USP36: variants seen among roughly 807,000 people sequenced by gnomAD.
USP36 encodes the protein ubiquitin carboxyl-terminal hydrolase 36.
USP36 carries 59 observed loss-of-function variants against 111.5 expected under a neutral mutation model. That is an observed-to-expected ratio of 0.53 (90% CI 0.43 to 0.66). The LOEUF (loss-of-function observed/expected upper bound fraction) is 0.66, where lower values mean the gene tolerates loss of function less well. Ranked by LOEUF, USP36 falls within the 30% of genes least tolerant of loss-of-function variation. The pLI, the probability that USP36 is intolerant of heterozygous loss-of-function variation, is 0.00. For missense variants in USP36, 1,488 were observed against 1,468.0 expected (o/e 1.01, Z -0.22); for synonymous variants, 628 against 581.0 (o/e 1.08, Z -1.16).
At chr17:78,793,796 G>T (rs2093602274), downstream of USP36, among the ~76,000 whole-genome samples, 1 of 152,142 alleles carries the variant, frequency 6.6e-6, no homozygotes. Context: ...GGGATAAACA[G>T]ATGCCCACCT....
rs1187233966 is a variant in USP36, at chr17:78,821,420, A to ATTTTTT, written c.758-365_758-360dup. ...TATATATATATATATATATATATAT[A>ATTTTTT]TTTTTTTTTTTTTTTTTTTTTTTTT... is the stretch of plus-strand genomic sequence containing the variant. On this transcript the variant is annotated intron_variant, in intron 7 of 20. Coordinates refer to ENST00000449938, the MANE Select transcript of USP36 (RefSeq NM_001385174.1). 18 of 34,560 alleles carry ATTTTTT rather than the reference A, an allele frequency of 5.2e-4. 1 individual carries two copies. Among genetic ancestry groups the ATTTTTT allele is most frequent in the African/African-American group, 2.4e-3 (15 of 6,268 alleles). The allele number at this position is 34,560 out of a possible 1,614,324, so 2.1% of individuals were successfully genotyped here. A position where few individuals can be genotyped will look rare whatever the true frequency, so the allele number is the denominator to read the frequency against.
At chr17:78,808,477 C>T (rs144079295) in intron 13 of USP36, among the ~76,000 whole-genome samples, 94 of 152,272 alleles carry the variant, frequency 6.2e-4, no homozygotes, top group African/African-American at 2.2e-3. Context: ...CCTTGAATTC[C>T]TGAGCTCAAG....
chr17:78,834,640 G>A (rs2068476800), intron 4 of USP36, among the ~76,000 whole-genome samples: 3 of 151,942 alleles, frequency 2.0e-5, no homozygotes, highest in Non-Finnish European at 2.9e-5. Context: ...ACCGGGTTTC[G>A]CCATGTTGGC....
intron 4 of USP36, among the ~76,000 whole-genome samples, chr17:78,833,119 G>A (rs933664135): frequency 1.3e-5 from 2 of 152,042 alleles, no homozygotes; most frequent in South Asian, 4.1e-4. Flanking sequence ...CTGCACTCCA[G>A]CCTGGGCGAC....
intron 3 of USP36, among the ~76,000 whole-genome samples, chr17:78,789,004 C>A (rs1451328179): frequency 6.7e-6 from 1 of 150,342 alleles, no homozygotes; most frequent in Non-Finnish European, 1.5e-5. Context: ...TCGAGACCAG[C>A]CTGGCCTATA....
chr17:78,793,007 C>T (rs779840963), downstream of USP36, among the ~76,000 whole-genome samples: 11 of 151,922 alleles, frequency 7.2e-5, no homozygotes, highest in Non-Finnish European at 1.0e-4. Flanking sequence ...TGAGCCACCG[C>T]GCCCGCCCCC....
intron 4 of USP36, among the ~76,000 whole-genome samples, chr17:78,833,168 T>C (rs2039677766): frequency 2.0e-5 from 3 of 152,140 alleles, no homozygotes; most frequent in Admixed American, 2.0e-4. Context: ...CCCCAAACAA[T>C]GTGCTGCTTC....
intron 6 of USP36, among the ~76,000 whole-genome samples, chr17:78,823,507 C>T (rs986564868): frequency 2.6e-5 from 4 of 152,322 alleles, no homozygotes; most frequent in Middle Eastern, 3.4e-3. Context: ...AGGCATCCCA[C>T]TGAGCCTGGG....
chr17:78,826,008 TG>T (rs1193391560), intron 6 of USP36, among the ~76,000 whole-genome samples: 1 of 152,158 alleles, frequency 6.6e-6, no homozygotes, highest in Non-Finnish European at 1.5e-5. Flanking sequence ...TCCAGGACCA[TG>T]GCTTCTACCT....
chr17:78,787,918 G>A (rs568896224), intron 3 of USP36, among the ~76,000 whole-genome samples: 1 of 152,294 alleles, frequency 6.6e-6, no homozygotes, highest in South Asian at 2.1e-4. Flanking sequence ...AGATGGCTAC[G>A]TGAAGATGGA....
chr17:78,802,571 C>A, intron 16 of USP36, 36 bp from the exon 17 acceptor site: 1 of 1,575,284 alleles, frequency 6.3e-7, no homozygotes, highest in Non-Finnish European at 8.6e-7. Flanking sequence ...CAGCTCTGAG[C>A]AAATTGGAAG....
In USP36 at chr17:78,807,023, G is replaced by A. The variant is rs1389461739; in HGVS notation, c.2021C>T (p.Thr674Ile). The change falls in exon 14 of 21, where the codon ACC becomes ATC. Residue 674 changes from threonine (T) to isoleucine (I), a missense_variant. Coordinates refer to ENST00000449938, the MANE Select transcript of USP36 (RefSeq NM_001385174.1). ...KLKSPVLSNT[T>I]TEPASTMSPP... ...AGACATGGTGCTTGCAGGCTCAGTG[G>A]TGGTGTTGCTCAGGACAGGGGACTT... 1.2e-6 allele frequency: 2 copies of A among 1,614,110 alleles called. No individual in the cohort carries two copies. Among genetic ancestry groups the A allele is most frequent in the Non-Finnish European group, 1.7e-6 (2 of 1,180,048 alleles).
intron 13 of USP36, 30 bp downstream of exon 13, chr17:78,812,830 C>G (rs751922478): frequency 3.1e-6 from 5 of 1,610,892 alleles, no homozygotes; most frequent in Non-Finnish European, 4.2e-6. Flanking sequence ...CAAGACCAGC[C>G]ACTTTGGCCT....
intron 11 of USP36, among the ~76,000 whole-genome samples, chr17:78,814,194 C>T (rs1159589413): frequency 6.6e-6 from 1 of 152,126 alleles, no homozygotes; most frequent in Non-Finnish European, 1.5e-5. Flanking sequence ...CTGCCTCTTC[C>T]GTGTCTCCCT....
intron 9 of USP36, among the ~76,000 whole-genome samples, chr17:78,819,724 T>C (rs1035580039): frequency 2.6e-5 from 4 of 152,250 alleles, no homozygotes; most frequent in African/African-American, 9.6e-5. Flanking sequence ...AGAACAGGTA[T>C]GGTGTAAACT....
rs763056095 is a variant in USP36 at position 78,798,958 on chromosome 17, G to A, written c.3190C>T (p.Arg1064Trp). 48 of 1,614,116 alleles carry A rather than the reference G, an allele frequency of 3.0e-5. No homozygotes were observed. Among genetic ancestry groups the A allele is most frequent in the Middle Eastern group, 1.6e-4 (1 of 6,062 alleles). The change falls in exon 19 of 21, where the codon CGG (arginine) becomes TGG (tryptophan). Residue 1064 changes from arginine to tryptophan, a missense_variant. Transcript: ENST00000449938. The surrounding 1 kb of genome is among the most constrained non-coding windows in gnomAD (Gnocchi z 5.1). Reference sequence around the variant, plus strand: ...CAGTCATCAACCACGGTCTCAGTCCGGGCCTGTCTGCTGTCTTCAATAGCA... The same window carrying A: ...CAGTCATCAACCACGGTCTCAGTCCAGGCCTGTCTGCTGTCTTCAATAGCA... ...QDAIEDSRQARTETVVDDWDE... is the reference protein window; with the variant it reads ...QDAIEDSRQAWTETVVDDWDE...
chr17:78,794,270 C>T (rs2093605575), downstream of USP36, among the ~76,000 whole-genome samples: 1 of 152,232 alleles, frequency 6.6e-6, no homozygotes, highest in South Asian at 2.1e-4. Flanking sequence ...GCCTGGAATC[C>T]ACTATCAGCC....
chr17:78,820,910 C>A, intron 8 of USP36, 81 bp downstream of exon 8: 3 of 1,424,106 alleles, frequency 2.1e-6, no homozygotes, highest in Non-Finnish European at 1.9e-6. Flanking sequence ...TGATCTGATG[C>A]CTTTACTGTT....
chr17:78,792,526 C>A (rs974426640), downstream of USP36, among the ~76,000 whole-genome samples: 1 of 152,122 alleles, frequency 6.6e-6, no homozygotes, highest in East Asian at 1.9e-4. Flanking sequence ...GCAGCAGCCC[C>A]GGGGACTATT....
Sources: allele counts gnomAD v4.1 joint callset (sites outside exome capture counted in the v4.1 genomes callset), GRCh38; gene constraint gnomAD v4.1.1; non-coding constraint Gnocchi (gnomAD v3.1); transcripts MANE v1.5; gene names NCBI Gene and HGNC (gene_info 2026-07-23, HGNC 2026-07-21).